Variants in STYXL1 observed in about 807,000 individuals in gnomAD.
The protein encoded by STYXL1 is serine/threonine/tyrosine-interacting-like protein 1.
STYXL1 carries 32 observed loss-of-function variants against 36.4 expected under a neutral mutation model. The observed-to-expected ratio is 0.88, with a 90% CI of 0.66 to 1.18. The LOEUF is 1.18. STYXL1 is among the 50% of genes most tolerant of loss of function. The probability of loss-of-function intolerance (pLI) is 0.00; values close to 1 mark genes in which losing one functional copy is unlikely to be tolerated. For missense variants in STYXL1, 354 were observed against 394.1 expected, an observed-to-expected ratio of 0.90 and a Z score of 0.86; for synonymous variants, 133 against 144.1, an observed-to-expected ratio of 0.92 and a Z score of 0.55.
intron 4 of STYXL1, among the ~76,000 whole-genome samples, chr7:76,016,358 GTA>G (rs1192254056): frequency 4.1e-5 from 6 of 148,114 alleles, no homozygotes; most frequent in Non-Finnish European, 5.9e-5. Flanking sequence ...ATATCTATAC[GTA>G]TGTGTGCACA....
chr7:76,047,756 C>G lies in STYXL1; in HGVS notation c.-99G>C, dbSNP rs1797332964. On this transcript the variant is annotated 5_prime_UTR_variant, in exon 1 of 9. Coordinates refer to ENST00000359697, the MANE Select transcript of STYXL1 (RefSeq NM_001317785.2). ...TCGGGTCTGGGACGCGCTCCACCTC[C>G]CCGGCTGCGCGACTATGGCCAGGCT... The G allele has an allele frequency of 8.5e-6, 3 of 354,704 alleles. No homozygotes were observed. The highest frequency in any genetic ancestry group is 1.4e-5 in the Non-Finnish European group (3 of 208,904). 22.0% of individuals were successfully genotyped at this position (354,704 alleles called of 1,614,324 possible). A position where few individuals can be genotyped will look rare whatever the true frequency, so the allele number is the denominator to read the frequency against.
intron 4 of STYXL1, among the ~76,000 whole-genome samples, chr7:76,015,290 ATAAATGGTAC>A (rs1554573490): frequency 6.6e-6 from 1 of 152,214 alleles, no homozygotes; most frequent in Non-Finnish European, 1.5e-5. Context: ...TTATTGGTCA[ATAAATGGTAC>A]TAAGATAACT....
intron 6 of STYXL1, 147 bp from the exon 7 acceptor site, chr7:76,004,002 G>GA: frequency 4.6e-6 from 3 of 658,646 alleles, no homozygotes; most frequent in East Asian, 2.8e-5. Context: ...ACCTCTCCTG[G>GA]AAAAAAACAT....
At chr7:76,036,567 T>G (rs782748379) in intron 1 of STYXL1, among the ~76,000 whole-genome samples, 1 of 149,942 alleles carries the variant, frequency 6.7e-6, no homozygotes, top group Non-Finnish European at 1.5e-5. Flanking sequence ...TTTCTGTATG[T>G]CACAATTAGC....
chr7:76,045,134 T>C (rs992340483), intron 1 of STYXL1: 6 of 152,394 alleles, frequency 3.9e-5, no homozygotes, highest in Non-Finnish European at 8.8e-5. Flanking sequence ...TCCCTCTTTA[T>C]GTATTTTCCA....
intron 1 of STYXL1, among the ~76,000 whole-genome samples, chr7:76,033,219 GAC>G (rs1291304306): frequency 6.6e-6 from 1 of 152,154 alleles, no homozygotes; most frequent in Non-Finnish European, 1.5e-5. Flanking sequence ...GATCATGGCT[GAC>G]TGCGGCCACA....
intron 1 of STYXL1, among the ~76,000 whole-genome samples, chr7:76,034,641 C>T (rs376282082): frequency 1.3e-5 from 2 of 152,328 alleles, no homozygotes; most frequent in South Asian, 2.1e-4. Flanking sequence ...ACACCACTGA[C>T]GTCCGGGGCC....
At chr7:76,042,578 T>C (rs1796584887) in intron 1 of STYXL1, among the ~76,000 whole-genome samples, 1 of 151,614 alleles carries the variant, frequency 6.6e-6, no homozygotes, top group African/African-American at 2.4e-5. Flanking sequence ...GGCTAATTTT[T>C]TGTATTTTTA....
chr7:76,004,060 C>G (rs1554569258), intron 6 of STYXL1, among the ~76,000 whole-genome samples: 3 of 152,046 alleles, frequency 2.0e-5, no homozygotes, highest in Non-Finnish European at 1.5e-5. Context: ...ATTTGGGAAA[C>G]AGAGATGGGA....
chr7:76,031,234 G>A (rs1305425053), intron 1 of STYXL1, among the ~76,000 whole-genome samples: 1 of 140,878 alleles, frequency 7.1e-6, no homozygotes, highest in Admixed American at 7.9e-5. Context: ...GGGAGACTGA[G>A]GCAAAAGAAT....
intron 2 of STYXL1, among the ~76,000 whole-genome samples, chr7:76,028,996 G>A (rs900343631): frequency 2.6e-5 from 4 of 151,838 alleles, no homozygotes; most frequent in Non-Finnish European, 5.9e-5. Context: ...TGGTGGCAGC[G>A]CCTGTAGTCC....
intron 1 of STYXL1, among the ~76,000 whole-genome samples, chr7:76,042,418 T>TTTTTTTTTC (rs1796566125): frequency 7.7e-6 from 1 of 130,038 alleles, no homozygotes; most frequent in Non-Finnish European, 1.6e-5. Flanking sequence ...TTTTTTTTTT[T>TTTTTTTTTC]TTTTAAGATG....
At chr7:76,011,969 G>C (rs187542574) in intron 5 of STYXL1, among the ~76,000 whole-genome samples, 5 of 152,372 alleles carry the variant, frequency 3.3e-5, no homozygotes, top group African/African-American at 4.8e-5. Flanking sequence ...GGAGCTAGGT[G>C]ATGGACAAAG....
At chr7:76,033,845 G>A (rs1032290800) in intron 1 of STYXL1, among the ~76,000 whole-genome samples, 1 of 152,120 alleles carries the variant, frequency 6.6e-6, no homozygotes, top group Admixed American at 6.6e-5. Context: ...GCTGTCCCTG[G>A]AGTCAAACTC....
At chr7:76,022,047 T>C (rs757373229) in intron 3 of STYXL1, 55 bp from the exon 4 acceptor site, 4 of 1,579,028 alleles carry the variant, frequency 2.5e-6, no homozygotes, top group East Asian at 4.5e-5. Flanking sequence ...GCAGGTTCGG[T>C]TGAGCAGAGA....
In STYXL1 at chr7:76,013,791, G is replaced by T; in HGVS notation, c.404C>A (p.Ser135Ter). 2 of 1,613,948 alleles carry T rather than the reference G, an allele frequency of 1.2e-6. No homozygotes were observed. The highest frequency in any genetic ancestry group is 1.1e-5 in the South Asian group (1 of 91,080). Residue 135 changes from serine to a stop codon, truncating the protein, a stop_gained, in exon 5 of 9, where the codon TCA becomes TAA. Transcript: ENST00000359697. LOFTEE classifies it high-confidence loss of function. ...YILKGGYERFSGTYHFLRTQK... is the reference protein window; with the variant it reads ...YILKGGYERF ...GGTCCGGAGAAAGTGGTACGTGCCTGAGAAGCGCTCATAGCCCCCTTTCAG... is the reference window on the plus strand; with the variant it reads ...GGTCCGGAGAAAGTGGTACGTGCCTTAGAAGCGCTCATAGCCCCCTTTCAG...
chr7:76,029,339 G>T lies in STYXL1; in HGVS notation c.104-636C>A, dbSNP rs564463784. Among the ~76,000 whole-genome samples, 10 of 151,834 alleles carry T rather than the reference G, an allele frequency of 6.6e-5. No homozygotes were observed. The East Asian group carries it at 2.0e-3, about 30-fold the overall frequency. On this transcript the variant is annotated intron_variant, in intron 2 of 8. Coordinates refer to ENST00000359697, the MANE Select transcript of STYXL1 (RefSeq NM_001317785.2). ...TTTTTGTATTTTTAGTAGAGACGGG[G>T]TTTCACCATGTTGGCCAGGCTGGTC... is the stretch of plus-strand genomic sequence containing the variant.
chr7:76,016,128 A>G (rs1421125122), intron 4 of STYXL1, among the ~76,000 whole-genome samples: 1 of 152,046 alleles, frequency 6.6e-6, no homozygotes, highest in Non-Finnish European at 1.5e-5. Context: ...ACACACACAT[A>G]TATCTATACA....
At chr7:76,019,282 CTTTTTTT>C (rs112308010) in intron 4 of STYXL1, among the ~76,000 whole-genome samples, 3 of 136,532 alleles carry the variant, frequency 2.2e-5, no homozygotes, top group East Asian at 2.1e-4. Context: ...CTGTTTTTTT[CTTTTTTT>C]TTTTTTTTTA....
Sources: allele counts gnomAD v4.1 joint callset (sites outside exome capture counted in the v4.1 genomes callset), GRCh38; gene constraint gnomAD v4.1.1; transcripts MANE v1.5; gene names NCBI Gene and HGNC (gene_info 2026-07-23, HGNC 2026-07-21).